The following AP1S3 variants were observed in gnomAD, a reference collection of about 807,000 sequenced individuals.
AP1S3 encodes the protein AP-1 complex subunit sigma-3.
Under a neutral mutation model 20.9 loss-of-function variants are expected in AP1S3, and 10 were observed. The observed-to-expected ratio is 0.48, with a 90% CI of 0.29 to 0.81. AP1S3 has a LOEUF of 0.81. Among genes scored for constraint, AP1S3 ranks in the 30% least tolerant of loss-of-function variants. The pLI is 0.08. For missense variants in AP1S3, 154 were observed against 183.8 expected (o/e 0.84, Z 0.94); for synonymous variants, 41 against 61.5 (o/e 0.67, Z 1.56).
intron 1 of AP1S3, among the ~76,000 whole-genome samples, chr2:223,793,926 G>A (rs1302273454): frequency 6.6e-6 from 1 of 152,034 alleles, no homozygotes; most frequent in African/African-American, 2.4e-5. Context: ...TTACAGGTGT[G>A]AGCCACTGTG....
intron 3 of AP1S3, among the ~76,000 whole-genome samples, chr2:223,772,637 T>C (rs1048574599): frequency 6.6e-6 from 1 of 151,976 alleles, no homozygotes; most frequent in Non-Finnish European, 1.5e-5. Flanking sequence ...GTAAATCTCC[T>C]TGGAATTGAA....
intron 1 of AP1S3, among the ~76,000 whole-genome samples, chr2:223,804,277 A>G (rs902571633): frequency 3.3e-5 from 5 of 152,204 alleles, no homozygotes; most frequent in African/African-American, 1.2e-4. Context: ...CTTTGCTGCC[A>G]ACCTGGGGAT....
At chr2:223,780,574 G>A (rs1304016207) in intron 1 of AP1S3, among the ~76,000 whole-genome samples, 2 of 151,270 alleles carry the variant, frequency 1.3e-5, no homozygotes, top group Non-Finnish European at 2.9e-5. Flanking sequence ...TTACAGGTGT[G>A]TGCCACCATG....
chr2:223,758,599 C>G lies in AP1S3; in HGVS notation c.*116G>C. 1 of 1,376,604 alleles carries G rather than the reference C, an allele frequency of 7.3e-7. No homozygotes were observed. Among genetic ancestry groups the G allele is most frequent in the Middle Eastern group, 1.9e-4 (1 of 5,256 alleles). The allele number at this position is 1,376,604 out of a possible 1,614,324, so 85.3% of individuals were successfully genotyped here. ...TTAACTTTGTTAGTTAACAAAGAAT[C>G]CCTTTAAATTATTTTTGGCATGGTG... On this transcript the variant is annotated 3_prime_UTR_variant, in exon 5 of 5. Coordinates refer to ENST00000396654, the MANE Select transcript of AP1S3 (RefSeq NM_001039569.2).
intron 1 of AP1S3, among the ~76,000 whole-genome samples, chr2:223,794,640 T>C (rs949324722): frequency 2.6e-5 from 4 of 152,154 alleles, no homozygotes; most frequent in Non-Finnish European, 4.4e-5. Context: ...AGATCAATTA[T>C]AAAAATGTTA....
chr2:223,819,325 T>G (rs1286138484), intron 1 of AP1S3, among the ~76,000 whole-genome samples: 1 of 152,208 alleles, frequency 6.6e-6, no homozygotes, highest in African/African-American at 2.4e-5. Flanking sequence ...TGAGGGAGAA[T>G]GCAACAGATA....
intron 3 of AP1S3, among the ~76,000 whole-genome samples, chr2:223,772,970 G>C (rs1331991328): frequency 4.6e-5 from 7 of 152,202 alleles, no homozygotes; most frequent in African/African-American, 1.7e-4. Flanking sequence ...TTAGCTTAAT[G>C]AAAGATTCAT....
At chr2:223,773,419 A>G in intron 3 of AP1S3, 2 of 1,261,292 alleles carry the variant, frequency 1.6e-6, no homozygotes, top group South Asian at 1.3e-5. Flanking sequence ...AGTATTAAAT[A>G]ATATGTTTGA....
intron 1 of AP1S3, among the ~76,000 whole-genome samples, chr2:223,789,186 CTACACACACATACACACA>C: frequency 6.6e-6 from 1 of 151,004 alleles, no homozygotes. Context: ...GAACAAATTG[CTACACACACATACACACA>C]TACACACACA....
At chr2:223,759,335 C>A (rs1690298116) in intron 4 of AP1S3, among the ~76,000 whole-genome samples, 1 of 151,336 alleles carries the variant, frequency 6.6e-6, no homozygotes, top group Non-Finnish European at 1.5e-5. Flanking sequence ...AGCAAAGTTG[C>A]CAAGATATCA....
intron 3 of AP1S3, among the ~76,000 whole-genome samples, chr2:223,773,081 C>A (rs1690671511): frequency 6.6e-6 from 1 of 152,148 alleles, no homozygotes; most frequent in Admixed American, 6.6e-5. Context: ...AATGGGAATT[C>A]ATTCTGACTC....
intron 4 of AP1S3, among the ~76,000 whole-genome samples, chr2:223,762,211 T>C (rs923987257): frequency 2.7e-5 from 4 of 150,558 alleles, no homozygotes; most frequent in African/African-American, 9.8e-5. Context: ...GACCTCGTGA[T>C]CCACCTGCCT....
intron 1 of AP1S3, among the ~76,000 whole-genome samples, chr2:223,816,235 A>G (rs1253397785): frequency 3.9e-5 from 6 of 152,180 alleles, no homozygotes; most frequent in Non-Finnish European, 8.8e-5. Flanking sequence ...CTTTATCACC[A>G]GTTGGGTTAA....
chr2:223,773,432 A>G, intron 3 of AP1S3: 2 of 1,245,604 alleles, frequency 1.6e-6, no homozygotes, highest in Non-Finnish European at 2.1e-6. Flanking sequence ...ATGTTTGAAA[A>G]CATGTTATTA....
chr2:223,825,923 G>T (rs974508259), intron 1 of AP1S3, among the ~76,000 whole-genome samples: 3 of 152,086 alleles, frequency 2.0e-5, no homozygotes, highest in East Asian at 3.9e-4. Flanking sequence ...AGGCTAAGGT[G>T]GGGGGATCAC....
intron 4 of AP1S3, among the ~76,000 whole-genome samples, chr2:223,763,140 G>A (rs1293092263): frequency 5.9e-5 from 9 of 152,148 alleles, no homozygotes; most frequent in Non-Finnish European, 1.2e-4. Flanking sequence ...CGCAACAGAA[G>A]AGACTGAGAG....
chr2:223,758,625 C>T lies in AP1S3; in HGVS notation c.*90G>A, dbSNP rs1218044381. The T allele has an allele frequency of 2.7e-6, 4 of 1,463,156 alleles. No homozygotes were observed. In the African/African-American group the frequency reaches 5.8e-5, roughly 21 times the overall value. The allele number at this position is 1,463,156 out of a possible 1,614,324, so 90.6% of individuals were successfully genotyped here. A position where few individuals can be genotyped will look rare whatever the true frequency, so the allele number is the denominator to read the frequency against. ...CCTTTAAATTATTTTTGGCATGGTG[C>T]CTGAGGCTCCATCAAAAAACCGGAT... On this transcript the variant is annotated 3_prime_UTR_variant, in exon 5 of 5. Transcript: ENST00000396654.
chr2:223,790,568 A>G (rs111824123), intron 1 of AP1S3, among the ~76,000 whole-genome samples: 1 of 151,894 alleles, frequency 6.6e-6, no homozygotes. Context: ...TTTTTTTTCA[A>G]CCTGTACAGG....
chr2:223,835,385 G>A (rs1042243114), intron 1 of AP1S3, among the ~76,000 whole-genome samples: 25 of 152,182 alleles, frequency 1.6e-4, no homozygotes, highest in African/African-American at 2.9e-4. Context: ...CGCCAGGTGC[G>A]GTGGCTCATG....
Sources: gnomAD v4.1 joint callset for allele counts (sites outside exome capture counted in the v4.1 genomes callset) on GRCh38, gnomAD v4.1.1 for gene constraint, MANE v1.5 for transcripts, NCBI Gene and HGNC (gene_info 2026-07-23, HGNC 2026-07-21) for gene names.